Variants in LPIN1 observed in about 807,000 individuals in gnomAD.
LPIN1 encodes lipin 1, also known as phosphatidate phosphatase LPIN1.
Under a neutral mutation model 107.5 loss-of-function variants are expected in LPIN1, and 71 were observed. That is an observed-to-expected ratio of 0.66 (90% CI 0.55 to 0.80). The LOEUF (loss-of-function observed/expected upper bound fraction) is 0.80, where lower values mean the gene tolerates loss of function less well. LPIN1 is among the 30% of genes least tolerant of loss of function. The pLI, the probability that LPIN1 is intolerant of heterozygous loss-of-function variation, is 0.00. For synonymous variants in LPIN1, 445 were observed against 452.6 expected, an observed-to-expected ratio of 0.98 and a Z score of 0.21; for missense variants, 1,043 against 1,160.6, an observed-to-expected ratio of 0.90 and a Z score of 1.47.
At position 11,707,760 on chromosome 2, in the gene LPIN1, C is replaced by T. The variant is rs1475387534; in HGVS notation, c.82-5996C>T. 3.3e-5 allele frequency among the ~76,000 whole-genome samples: 5 copies of T among 152,114 alleles called. No homozygotes were observed. Among genetic ancestry groups the T allele is most frequent in the African/African-American group, 7.2e-5 (3 of 41,440 alleles). The stretch of plus-strand genomic sequence containing the variant: ...GTGGCTGGGGCCTGTCCCAACCAAG[C>T]GCTGCTGCTTCTGTGAGCACCACAG... On this transcript the variant is annotated intron_variant, in intron 1 of 21. Coordinates refer to the LPIN1 transcript ENST00000449576. This position sits in a 1 kb window ranked among gnomAD's most constrained non-coding sequence, Gnocchi z 4.2.
chr2:11,712,508 C>CT (rs1461901023), intron 1 of LPIN1, among the ~76,000 whole-genome samples: 1 of 152,206 alleles, frequency 6.6e-6, no homozygotes. Flanking sequence ...AGATTTGCAT[C>CT]TCATTTGTTG....
intron 1 of LPIN1, among the ~76,000 whole-genome samples, chr2:11,702,918 C>T (rs1227476478): frequency 8.4e-6 from 1 of 119,748 alleles, no homozygotes; most frequent in Non-Finnish European, 1.8e-5. Flanking sequence ...TTGAATATCT[C>T]GCACCTTATC....
At chr2:11,685,908 G>A (rs1661977315) in intron 1 of LPIN1, among the ~76,000 whole-genome samples, 1 of 152,020 alleles carries the variant, frequency 6.6e-6, no homozygotes, top group Admixed American at 6.6e-5. Flanking sequence ...TTCTTCTTTT[G>A]GGGTTGCATT....
chr2:11,769,245 G>A (rs1375768183), intron 3 of LPIN1, among the ~76,000 whole-genome samples: 1 of 152,194 alleles, frequency 6.6e-6, no homozygotes, highest in African/African-American at 2.4e-5. Flanking sequence ...CTGATTTTGT[G>A]ATTCTAGTCA....
intron 1 of LPIN1, among the ~76,000 whole-genome samples, chr2:11,680,183 C>A (rs1457884822): frequency 6.6e-6 from 1 of 152,152 alleles, no homozygotes; most frequent in Non-Finnish European, 1.5e-5. Context: ...GGCCAGAAGC[C>A]CAGGCAGGGC....
At position 11,788,100 on chromosome 2, in the gene LPIN1, C is replaced by T. The variant is rs576462236; in HGVS notation, c.1644-287C>T. Among the ~76,000 whole-genome samples, 7 of 152,276 alleles carry T rather than the reference C, an allele frequency of 4.6e-5. No homozygotes were observed. The South Asian group carries it at 6.2e-4, about 14-fold the overall frequency. On this transcript the variant is annotated intron_variant, in intron 11 of 20. Coordinates refer to ENST00000674199, the MANE Select transcript of LPIN1 (RefSeq NM_001349206.2). ...GTGGCAAGAAATACCCCAAGCACGT[C>T]GTGGTTTGGTGCAGCAGCTGTACGG...
chr2:11,712,294 T>G (rs1215369279), intron 1 of LPIN1, among the ~76,000 whole-genome samples: 1 of 152,122 alleles, frequency 6.6e-6, no homozygotes, highest in Non-Finnish European at 1.5e-5. Context: ...TCTCCCAGAG[T>G]TCCCACTCAC....
At chr2:11,726,903 A>C (rs1316858052) in intron 1 of LPIN1, among the ~76,000 whole-genome samples, 2 of 152,162 alleles carry the variant, frequency 1.3e-5, no homozygotes, top group Admixed American at 6.5e-5. Context: ...AGGGTCCCCC[A>C]ATTCAGGTTT....
At chr2:11,791,637 T>C in intron 12 of LPIN1, 1 of 1,280,146 alleles carries the variant, frequency 7.8e-7, no homozygotes, top group Non-Finnish European at 1.0e-6. Flanking sequence ...TTCTAATGCT[T>C]TCTTTTTTTG....
At chr2:11,713,902 A>T in intron 2 of LPIN1, 1 of 911,764 alleles carries the variant, frequency 1.1e-6, no homozygotes. Context: ...GTTTGTCGCC[A>T]TGGCTATCTG....
In LPIN1 at chr2:11,783,715, G is replaced by C. The variant is rs1040153452; in HGVS notation, c.1265-114G>C. 5 of 871,148 alleles carry C rather than the reference G, an allele frequency of 5.7e-6. No homozygotes were observed. The Admixed American group carries it at 6.8e-5, about 12-fold the overall frequency. The allele number at this position is 871,148 out of a possible 1,614,324, so 54.0% of individuals were successfully genotyped here. On this transcript the variant is annotated intron_variant, in intron 8 of 20. Transcript: ENST00000674199. ...AACTGTTGTGGTTCTTGGGCAGTTT[G>C]AGTACCTGGGAGCAAATCTGCACAT...
intron 5 of LPIN1, among the ~76,000 whole-genome samples, chr2:11,775,775 GT>G (rs1672559325): frequency 6.7e-6 from 1 of 149,762 alleles, no homozygotes; most frequent in African/African-American, 2.5e-5. Context: ...AGATGTCTGA[GT>G]TTCTTTATTT....
At chr2:11,698,147 C>T (rs1572339937) in intron 1 of LPIN1, among the ~76,000 whole-genome samples, 1 of 152,144 alleles carries the variant, frequency 6.6e-6, no homozygotes, top group Non-Finnish European at 1.5e-5. Flanking sequence ...GTGTGCGGGG[C>T]GGCTCCGGTG....
At chr2:11,788,507 T>G (rs1182724555) in intron 12 of LPIN1, 51 bp downstream of exon 12, 3 of 1,360,304 alleles carry the variant, frequency 2.2e-6, no homozygotes, top group East Asian at 4.6e-5. Context: ...GATGGGTAGC[T>G]TAATCTGGGG....
intron 1 of LPIN1, among the ~76,000 whole-genome samples, chr2:11,695,189 G>A (rs754750846): frequency 2.6e-5 from 4 of 152,140 alleles, no homozygotes; most frequent in Non-Finnish European, 5.9e-5. Flanking sequence ...AGTAAACACC[G>A]CCTTCATGGA....
chr2:11,743,021 G>A (rs1337435784), upstream of LPIN1, among the ~76,000 whole-genome samples: 1 of 152,212 alleles, frequency 6.6e-6, no homozygotes, highest in Non-Finnish European at 1.5e-5. This position sits in a 1 kb window ranked among gnomAD's most constrained non-coding sequence, Gnocchi z 4.7. Context: ...CTTGGGGACA[G>A]GGCAGGTCAA....
intron 1 of LPIN1, among the ~76,000 whole-genome samples, chr2:11,709,996 A>C (rs1205482355): frequency 6.6e-6 from 1 of 152,216 alleles, no homozygotes; most frequent in African/African-American, 2.4e-5. Context: ...CCTGGGTCTT[A>C]ATCTTAATGA....
At position 11,825,593 on chromosome 2, in the gene LPIN1, ATTACTAAG is replaced by A. The variant is rs1182766559; in HGVS notation, c.*803_*810del. ...GCCTTAGATTAAAATGACAGTAAAT[ATTACTAAG>A]GCAGTATTTTGAATGAGTTTGACAC... On this transcript the variant is annotated 3_prime_UTR_variant, in exon 21 of 21. Coordinates refer to ENST00000674199, the MANE Select transcript of LPIN1 (RefSeq NM_001349206.2). This position sits in a 1 kb window ranked among gnomAD's most constrained non-coding sequence, Gnocchi z 4.1. The A allele has an allele frequency of 1.3e-5, 2 of 152,650 alleles. No individual in the cohort carries two copies. The highest frequency in any genetic ancestry group is 4.8e-5 in the African/African-American group (2 of 41,452). The allele number at this position is 152,650 out of a possible 1,614,324, so 9.5% of individuals were successfully genotyped here.
Position 11,782,266 on chromosome 2 carries a change from TCA to T in LPIN1, c.1025_1026del (p.His342LeufsTer13). 6.2e-7 allele frequency: 1 copy of T among 1,614,142 alleles called. No homozygotes were observed. Among genetic ancestry groups the T allele is most frequent in the Non-Finnish European group, 8.5e-7 (1 of 1,180,012 alleles). ...LSSRKICDKS[H>X]FQAIHSESSD... ...GCAGTAGAAAAATTTGTGATAAAAGTCACTTTCAGGCCATTCACAGCGAATCT... is the reference window on the plus strand; with the variant it reads ...GCAGTAGAAAAATTTGTGATAAAAGTCTTTCAGGCCATTCACAGCGAATCT... On this transcript the variant is annotated frameshift_variant, in exon 8 of 21. Transcript: ENST00000674199. LOFTEE classifies it high-confidence loss of function.
Sources: allele counts gnomAD v4.1 joint callset (sites outside exome capture counted in the v4.1 genomes callset), GRCh38; gene constraint gnomAD v4.1.1; non-coding constraint Gnocchi (gnomAD v3.1); transcripts MANE v1.5; gene names NCBI Gene and HGNC (gene_info 2026-07-23, HGNC 2026-07-21).